The following DENND5B variants were observed in gnomAD, a reference collection of about 807,000 sequenced individuals.
The protein encoded by DENND5B is DENN domain containing 5B.
In DENND5B, 34 loss-of-function variants were observed where a neutral mutation model predicts 140.6. The ratio of observed to expected loss-of-function variants is 0.24; its 90% CI spans 0.18 to 0.32. The LOEUF (loss-of-function observed/expected upper bound fraction) is 0.32. Ranked by LOEUF, DENND5B falls within the 10% of genes least tolerant of loss-of-function variation. The pLI is 1.00. For synonymous variants in DENND5B, 551 were observed against 562.1 expected (o/e 0.98, Z 0.28); for missense variants, 1,142 against 1,560.2 (o/e 0.73, Z 4.52).
chr12:31,556,465 G>C (rs1023674341), intron 1 of DENND5B, among the ~76,000 whole-genome samples: 1 of 151,902 alleles, frequency 6.6e-6, no homozygotes, highest in Admixed American at 6.6e-5. Flanking sequence ...GCCTCCCAAA[G>C]TGCTGGGATT....
At chr12:31,447,952 G>A (rs1470561732) in intron 5 of DENND5B, among the ~76,000 whole-genome samples, 183 bp from the exon 6 acceptor site, 4 of 151,998 alleles carry the variant, frequency 2.6e-5, no homozygotes, top group Non-Finnish European at 4.4e-5. Flanking sequence ...GAGAATGTAC[G>A]TCACTTAGGT....
chr12:31,398,462 A>C, intron 16 of DENND5B, 100 bp from the exon 17 acceptor site: 1 of 1,175,788 alleles, frequency 8.5e-7, no homozygotes, highest in South Asian at 1.8e-5. Context: ...GCACCACCAC[A>C]CCTGGCTAAT....
At chr12:31,563,747 T>C (rs892407359) in intron 1 of DENND5B, among the ~76,000 whole-genome samples, 1 of 152,216 alleles carries the variant, frequency 6.6e-6, no homozygotes, top group African/African-American at 2.4e-5. Flanking sequence ...ATAAGAAACA[T>C]GCAAATGCCT....
At chr12:31,575,493 T>C (rs1949978953) in intron 1 of DENND5B, among the ~76,000 whole-genome samples, 1 of 152,178 alleles carries the variant, frequency 6.6e-6, no homozygotes, top group Non-Finnish European at 1.5e-5. Flanking sequence ...TTAGTCCTGA[T>C]CTACAGCAAT....
In DENND5B at chr12:31,452,287, A is replaced by T; in HGVS notation, c.1282T>A (p.Leu428Met). The T allele has an allele frequency of 6.2e-7, 1 of 1,613,906 alleles. No individual in the cohort carries two copies. Among genetic ancestry groups the T allele is most frequent in the African/African-American group, 1.3e-5 (1 of 75,000 alleles). ...TTGCCGTTCTTTTTGTCATTGACCA[A>T]GTCTTTCAGAACCATATTCTTCAGT... is the stretch of plus-strand genomic sequence containing the variant. ...SKLKNMVLKD[L>M]VNDKKNGNVC... is the part of the protein sequence containing the mutation. The change falls in exon 5 of 21, where the codon TTG (leucine) becomes ATG (methionine). Residue 428 changes from leucine to methionine, a missense_variant. By Grantham distance (15) the Leu-to-Met change is conservative. Coordinates refer to ENST00000389082, the MANE Select transcript of DENND5B (RefSeq NM_144973.4).
At chr12:31,440,356 T>A (rs139071671) in intron 7 of DENND5B, among the ~76,000 whole-genome samples, 119 of 152,264 alleles carry the variant, frequency 7.8e-4, no homozygotes, top group African/African-American at 2.3e-3. Flanking sequence ...TCTTAGCACA[T>A]TTTTTAAGTT....
At chr12:31,550,096 G>A (rs1388443415) in intron 1 of DENND5B, among the ~76,000 whole-genome samples, 1 of 150,320 alleles carries the variant, frequency 6.7e-6, no homozygotes, top group African/African-American at 2.5e-5. Context: ...TAAGTTTTAG[G>A]GTACATGTGC....
Position 31,549,222 on chromosome 12 carries a change from T to C in DENND5B, c.127+41484A>G, listed in dbSNP as rs139810687. On this transcript the variant is annotated intron_variant, in intron 1 of 20. Coordinates refer to ENST00000389082, the MANE Select transcript of DENND5B (RefSeq NM_144973.4). The stretch of plus-strand genomic sequence containing the variant: ...GCCAAGTTCATTTTTAAATTCTGAC[T>C]TTAGTAAGAAAGTTTAGAAATGAGA... Among the ~76,000 whole-genome samples, 513 of 152,220 alleles carry C rather than the reference T, an allele frequency of 3.4e-3. 3 individuals are homozygous for C. The highest frequency in any genetic ancestry group is 0.011 in the African/African-American group (475 of 41,530).
chr12:31,537,087 T>C (rs1948524510), intron 1 of DENND5B, among the ~76,000 whole-genome samples: 1 of 152,162 alleles, frequency 6.6e-6, no homozygotes, highest in Non-Finnish European at 1.5e-5. Flanking sequence ...CAGGTGTACT[T>C]CAATCAGAAA....
chr12:31,516,765 C>G (rs546445934), intron 1 of DENND5B, among the ~76,000 whole-genome samples: 83 of 152,054 alleles, frequency 5.5e-4, no homozygotes, highest in African/African-American at 1.7e-3. Flanking sequence ...AATTTATTTT[C>G]CTGTCTGTAA....
chr12:31,472,427 G>C (rs915287085), intron 3 of DENND5B, among the ~76,000 whole-genome samples: 6 of 152,120 alleles, frequency 3.9e-5, no homozygotes, highest in African/African-American at 1.4e-4. Context: ...AAGTAGCTGG[G>C]ATTACAGGGG....
chr12:31,448,602 T>C (rs1245105717), intron 5 of DENND5B, among the ~76,000 whole-genome samples: 1 of 152,246 alleles, frequency 6.6e-6, no homozygotes, highest in Non-Finnish European at 1.5e-5. Flanking sequence ...TTTAAGTGAA[T>C]GCTTTTCTAG....
At chr12:31,551,590 A>G (rs1177741228) in intron 1 of DENND5B, among the ~76,000 whole-genome samples, 1 of 152,134 alleles carries the variant, frequency 6.6e-6, no homozygotes, top group Non-Finnish European at 1.5e-5. Flanking sequence ...GTTTTTTCCA[A>G]TTCTGTGAAG....
intron 1 of DENND5B, among the ~76,000 whole-genome samples, chr12:31,575,902 G>A (rs1355656330): frequency 6.6e-6 from 1 of 151,968 alleles, no homozygotes; most frequent in Non-Finnish European, 1.5e-5. Context: ...GGAGGCGGAG[G>A]TTGCAGTGAG....
At position 31,400,844 on chromosome 12, in the gene DENND5B, T is replaced by TG. The variant is rs1054854757; in HGVS notation, c.2950-1073_2950-1072insC. On this transcript the variant is annotated intron_variant, in intron 15 of 20. Transcript: ENST00000389082. ...TACCCATTAGAGCTACGAGTTTTTT[T>TG]TTTTTGTTTTTTTTTTAGACAGAGT... Among the ~76,000 whole-genome samples the TG allele has an allele frequency of 4.3e-3, 89 of 20,852 alleles. 2 individuals carry two copies. The East Asian group carries it at 0.18, about 42-fold the overall frequency. 13.7% of individuals were successfully genotyped at this position (20,852 alleles called of 152,430 possible).
At chr12:31,547,247 G>T (rs968959303) in intron 1 of DENND5B, among the ~76,000 whole-genome samples, 2 of 152,106 alleles carry the variant, frequency 1.3e-5, no homozygotes, top group Non-Finnish European at 2.9e-5. Flanking sequence ...GAACTCCCAT[G>T]TACTCACTAC....
rs1226654241 is a variant in DENND5B at position 31,386,391 on chromosome 12, T to C, written c.*1212A>G. ...TTGGTCTTTCAAAATTGTTGCCACC[T>C]CTTGCTTTGCTTCCATTTTGTCAGC... On this transcript the variant is annotated 3_prime_UTR_variant, in exon 21 of 21. Coordinates refer to ENST00000389082, the MANE Select transcript of DENND5B (RefSeq NM_144973.4). 6 of 153,280 alleles carry C rather than the reference T, an allele frequency of 3.9e-5. No individual in the cohort carries two copies. The highest frequency in any genetic ancestry group is 1.4e-4 in the African/African-American group (6 of 41,630). 9.5% of individuals were successfully genotyped at this position (153,280 alleles called of 1,614,324 possible).
chr12:31,429,989 G>A (rs1943436016), intron 8 of DENND5B, among the ~76,000 whole-genome samples: 1 of 150,450 alleles, frequency 6.6e-6, no homozygotes. Context: ...TTATAGGTGT[G>A]AGCCACCGCC....
In DENND5B at chr12:31,384,357, AC is replaced by A. The variant is rs1426613247; in HGVS notation, c.*3245del. On this transcript the variant is annotated 3_prime_UTR_variant, in exon 21 of 21. Coordinates refer to ENST00000389082, the MANE Select transcript of DENND5B (RefSeq NM_144973.4). Reference sequence around the variant, plus strand: ...TCTTTATAACTGCACTTCTTATGTGACCCCAAACTCAGCTTAAGCATCCTTT... The same window carrying A: ...TCTTTATAACTGCACTTCTTATGTGACCCAAACTCAGCTTAAGCATCCTTT... The A allele has an allele frequency of 2.6e-5, 4 of 152,094 alleles. No homozygotes were observed. The highest frequency in any genetic ancestry group is 2.6e-4 in the Admixed American group (4 of 15,244). The allele number at this position is 152,094 out of a possible 1,614,324, so 9.4% of individuals were successfully genotyped here.
Sources: gnomAD v4.1 joint callset for allele counts (sites outside exome capture counted in the v4.1 genomes callset) on GRCh38, gnomAD v4.1.1 for gene constraint, MANE v1.5 for transcripts, NCBI Gene and HGNC (gene_info 2026-07-23, HGNC 2026-07-21) for gene names.